CFDP1: variants seen among roughly 807,000 people sequenced by gnomAD.
The protein encoded by CFDP1 is heterochromatin-stabilizing protein CFDP1.
Under a neutral mutation model 40.1 loss-of-function variants are expected in CFDP1, and 31 were observed. The observed-to-expected ratio is 0.77, with a 90% confidence interval of 0.58 to 1.04. CFDP1 has a LOEUF of 1.04. Ranked by LOEUF, CFDP1 falls within the 50% of genes least tolerant of loss-of-function variation. The probability of loss-of-function intolerance (pLI) is 0.00; values close to 1 mark genes in which losing one functional copy is unlikely to be tolerated. For synonymous variants in CFDP1, 167 were observed against 120.0 expected (o/e 1.39, Z -2.56); for missense variants, 423 against 343.4 (o/e 1.23, Z -1.83).
At chr16:75,315,814 T>C (rs1016269028) in intron 5 of CFDP1, among the ~76,000 whole-genome samples, 1 of 152,162 alleles carries the variant, frequency 6.6e-6, no homozygotes, top group Non-Finnish European at 1.5e-5. Context: ...ATTGATATAA[T>C]GACACAATAT....
intron 5 of CFDP1, among the ~76,000 whole-genome samples, chr16:75,334,809 G>C (rs1387679009): frequency 6.6e-6 from 1 of 152,106 alleles, no homozygotes; most frequent in East Asian, 1.9e-4. Context: ...ACAAAAATTA[G>C]CCAGGTGTGG....
rs1597397150 is a variant in CFDP1 at position 75,414,962 on chromosome 16, T to A, written c.65-267A>T. Among the ~76,000 whole-genome samples, 4 of 152,332 alleles carry A rather than the reference T, an allele frequency of 2.6e-5. No homozygotes were observed. The South Asian group carries it at 8.3e-4, about 32-fold the overall frequency. ...CCCACTTATATTTAATGTTGGTAAT[T>A]TCTGCTGTGCTGTATACTCCAAGAG... is the stretch of plus-strand genomic sequence containing the variant. On this transcript the variant is annotated intron_variant, in intron 1 of 6. Transcript: ENST00000283882.
intron 4 of CFDP1, among the ~76,000 whole-genome samples, chr16:75,402,793 G>A (rs1337582314): frequency 6.6e-6 from 1 of 151,998 alleles, no homozygotes; most frequent in Non-Finnish European, 1.5e-5. Context: ...TCCTTATAAT[G>A]CCTAAATTTA....
rs186597458 is a variant in CFDP1 at position 75,360,896 on chromosome 16, T to A, written c.650+34194A>T. On this transcript the variant is annotated intron_variant, in intron 5 of 6. Transcript: ENST00000283882. ...AAAGATTCACATAAGAATTCTTTTTTAAAAAGAAATAGTAAGAAACAGCAG... is the reference window on the plus strand; with the variant it reads ...AAAGATTCACATAAGAATTCTTTTTAAAAAAGAAATAGTAAGAAACAGCAG... Among the ~76,000 whole-genome samples the A allele has an allele frequency of 6.5e-3, 985 of 152,318 alleles. 8 individuals carry two copies. Among genetic ancestry groups the A allele is most frequent in the Middle Eastern group, 0.017 (5 of 294 alleles).
At chr16:75,428,488 C>T (rs1049050747) in intron 1 of CFDP1, among the ~76,000 whole-genome samples, 2 of 151,498 alleles carry the variant, frequency 1.3e-5, no homozygotes, top group African/African-American at 2.4e-5. Flanking sequence ...TGTGGTGGCA[C>T]GCGCCTGTAT....
chr16:75,410,335 T>C (rs1384240881), intron 4 of CFDP1, among the ~76,000 whole-genome samples: 1 of 152,068 alleles, frequency 6.6e-6, no homozygotes, highest in African/African-American at 2.4e-5. Context: ...ATAATAAAAT[T>C]GAAATAAATG....
At chr16:75,396,275 C>T (rs2078994374) in intron 4 of CFDP1, among the ~76,000 whole-genome samples, 1 of 104,458 alleles carries the variant, frequency 9.6e-6, no homozygotes, top group African/African-American at 2.9e-5. Flanking sequence ...CACAGTGGCC[C>T]ATGCCTGTAA....
chr16:75,347,603 C>T (rs569601855), intron 5 of CFDP1, among the ~76,000 whole-genome samples: 21 of 152,022 alleles, frequency 1.4e-4, no homozygotes, highest in Non-Finnish European at 2.4e-4. Flanking sequence ...GGTGTGAACC[C>T]GGGAGGCGGA....
chr16:75,336,319 G>T (rs1464456420), intron 5 of CFDP1, among the ~76,000 whole-genome samples: 2 of 152,190 alleles, frequency 1.3e-5, no homozygotes, highest in African/African-American at 4.8e-5. Context: ...GAGTTAAGGG[G>T]GCAGGGAAGT....
chr16:75,326,289 T>G (rs1005011409), intron 5 of CFDP1, among the ~76,000 whole-genome samples: 7 of 152,186 alleles, frequency 4.6e-5, no homozygotes, highest in African/African-American at 1.4e-4. Flanking sequence ...TCATGTACAC[T>G]ACTACGTTAT....
At chr16:75,329,434 G>T (rs571311999) in intron 5 of CFDP1, among the ~76,000 whole-genome samples, 1 of 152,150 alleles carries the variant, frequency 6.6e-6, no homozygotes, top group East Asian at 1.9e-4. Context: ...GTGTGACTTT[G>T]ATGTTAAAAA....
chr16:75,331,195 A>C (rs2078443799), intron 5 of CFDP1, among the ~76,000 whole-genome samples: 1 of 152,240 alleles, frequency 6.6e-6, no homozygotes, highest in Admixed American at 6.5e-5. Context: ...CCAATGGCTC[A>C]GTCATTTTCA....
At chr16:75,421,857 C>A (rs1490361963) in intron 1 of CFDP1, among the ~76,000 whole-genome samples, 1 of 152,120 alleles carries the variant, frequency 6.6e-6, no homozygotes, top group Non-Finnish European at 1.5e-5. Context: ...TCTCCCCCAC[C>A]CCACACCAAA....
At chr16:75,397,684 G>C (rs540186471) in intron 4 of CFDP1, among the ~76,000 whole-genome samples, 2 of 151,966 alleles carry the variant, frequency 1.3e-5, no homozygotes, top group East Asian at 3.9e-4. Context: ...AGGTACACCT[G>C]TATCCTAGCT....
intron 3 of CFDP1, 100 bp from the exon 4 acceptor site, chr16:75,412,052 G>T: frequency 8.0e-7 from 1 of 1,257,672 alleles, no homozygotes; most frequent in Non-Finnish European, 1.1e-6. Context: ...GTCTCACTCT[G>T]TAGCCCAAGC....
rs140903098 is a variant in CFDP1, at chr16:75,322,805, T to C, written c.651-17623A>G. ...CAAATCGGAAACACTTCTGGTCCCA[T>C]GCATTTTGGGTAAGGGATACTTAAC... On this transcript the variant is annotated intron_variant, in intron 5 of 6. Transcript: ENST00000283882. Among the ~76,000 whole-genome samples the C allele has an allele frequency of 7.3e-5, 11 of 151,060 alleles. No homozygotes were observed. The East Asian group carries it at 1.9e-3, about 27-fold the overall frequency.
At chr16:75,424,925 C>T (rs2079319732) in intron 1 of CFDP1, among the ~76,000 whole-genome samples, 1 of 152,174 alleles carries the variant, frequency 6.6e-6, no homozygotes, top group African/African-American at 2.4e-5. Flanking sequence ...TTTGACATCA[C>T]TGTCTGTGTG....
chr16:75,302,794 G>A (rs1481755810), intron 6 of CFDP1, among the ~76,000 whole-genome samples: 1 of 152,190 alleles, frequency 6.6e-6, no homozygotes, highest in Non-Finnish European at 1.5e-5. Context: ...CACTTCATCC[G>A]GAGTCTTCCC....
At chr16:75,409,583 A>C (rs1320352588) in intron 4 of CFDP1, 1 of 152,242 alleles carries the variant, frequency 6.6e-6, no homozygotes, top group Non-Finnish European at 1.5e-5. Context: ...CCTTCACTAT[A>C]GATAGTAATC....
Sources: gnomAD v4.1 joint callset for allele counts (sites outside exome capture counted in the v4.1 genomes callset) on GRCh38, gnomAD v4.1.1 for gene constraint, MANE v1.5 for transcripts, NCBI Gene and HGNC (gene_info 2026-07-23, HGNC 2026-07-21) for gene names.